ATP6V0E1: variants seen among roughly 807,000 people sequenced by gnomAD.
ATP6V0E1 encodes the protein ATPase H+ transporting V0 subunit e1.
Under a neutral mutation model 11.6 loss-of-function variants are expected in ATP6V0E1, and 4 were observed. The ratio of observed to expected loss-of-function variants is 0.35; its 90% CI spans 0.17 to 0.79. The LOEUF (loss-of-function observed/expected upper bound fraction) is 0.79, where lower values mean the gene tolerates loss of function less well. Among genes scored for constraint, ATP6V0E1 ranks in the 30% least tolerant of loss-of-function variants. ATP6V0E1 has a pLI of 0.54. For missense variants in ATP6V0E1, 105 were observed against 100.0 expected (o/e 1.05, Z -0.21); for synonymous variants, 36 against 34.8 (o/e 1.04, Z -0.13).
At chr5:173,008,381 C>T (rs1380403752) in intron 2 of ATP6V0E1, among the ~76,000 whole-genome samples, 12 of 147,716 alleles carry the variant, frequency 8.1e-5, no homozygotes, top group South Asian at 2.1e-4. Context: ...CTCACTGCAA[C>T]GCTCCGCCTC....
At chr5:172,990,388 A>G (rs1415577545) in intron 1 of ATP6V0E1, among the ~76,000 whole-genome samples, 20 of 152,108 alleles carry the variant, frequency 1.3e-4, no homozygotes, top group Non-Finnish European at 1.5e-5. Context: ...CCATTTTCTC[A>G]CAGTGGCTTC....
intron 1 of ATP6V0E1, among the ~76,000 whole-genome samples, chr5:172,985,533 T>C (rs1290286151): frequency 2.0e-5 from 3 of 152,200 alleles, no homozygotes; most frequent in Admixed American, 6.6e-5. Flanking sequence ...TAGACTTGTT[T>C]TTCCTACTGG....
At chr5:173,022,764 C>T (rs1756504339) in intron 3 of ATP6V0E1, among the ~76,000 whole-genome samples, 1 of 152,096 alleles carries the variant, frequency 6.6e-6, no homozygotes, top group Non-Finnish European at 1.5e-5. Context: ...TCCTGAGTAG[C>T]TGGGACTACA....
chr5:173,029,287 A>T (rs1381274241), intron 3 of ATP6V0E1, among the ~76,000 whole-genome samples: 1 of 152,006 alleles, frequency 6.6e-6, no homozygotes, highest in African/African-American at 2.4e-5. Flanking sequence ...TACTCCGAGT[A>T]CTCTGGCTGG....
intron 3 of ATP6V0E1, among the ~76,000 whole-genome samples, chr5:173,025,062 C>T (rs780142526): frequency 2.0e-5 from 3 of 149,902 alleles, no homozygotes; most frequent in Non-Finnish European, 3.0e-5. Context: ...AGGCTGGTCT[C>T]GAACTCTTGA....
chr5:173,017,407 G>T (rs772308151), intron 2 of ATP6V0E1, among the ~76,000 whole-genome samples: 1 of 151,802 alleles, frequency 6.6e-6, no homozygotes, highest in Non-Finnish European at 1.5e-5. Context: ...GGTGGCAGGC[G>T]CCTGTAATCC....
At chr5:173,001,266 A>G (rs992709996) in intron 2 of ATP6V0E1, among the ~76,000 whole-genome samples, 5 of 152,164 alleles carry the variant, frequency 3.3e-5, no homozygotes, top group African/African-American at 1.2e-4. Context: ...AGCAGATAAA[A>G]CAAATCAAGA....
chr5:172,984,773 T>C (rs1477412164), intron 1 of ATP6V0E1, among the ~76,000 whole-genome samples: 1 of 152,202 alleles, frequency 6.6e-6, no homozygotes, highest in Non-Finnish European at 1.5e-5. Flanking sequence ...TTTTTCTCAG[T>C]TCAAGATGAT....
At chr5:173,024,228 A>C (rs1756523653) in intron 3 of ATP6V0E1, among the ~76,000 whole-genome samples, 2 of 151,720 alleles carry the variant, frequency 1.3e-5, no homozygotes, top group South Asian at 4.1e-4. Context: ...AAAGAAATAC[A>C]GATCATACAA....
chr5:173,000,882 G>A (rs2113589495), intron 2 of ATP6V0E1, among the ~76,000 whole-genome samples: 1 of 152,134 alleles, frequency 6.6e-6, no homozygotes, highest in South Asian at 2.1e-4. Context: ...TGTATTGTTA[G>A]TAAAGACAGG....
At chr5:173,012,139 C>T (rs1367779268) in intron 2 of ATP6V0E1, among the ~76,000 whole-genome samples, 1 of 150,450 alleles carries the variant, frequency 6.6e-6, no homozygotes, top group Non-Finnish European at 1.5e-5. Flanking sequence ...TCAAGTGATT[C>T]TCCTGCCTCA....
intron 3 of ATP6V0E1, among the ~76,000 whole-genome samples, chr5:173,024,831 A>AT (rs1396309435): frequency 2.0e-5 from 3 of 146,680 alleles, no homozygotes; most frequent in African/African-American, 7.5e-5. Flanking sequence ...ATTTTATTTT[A>AT]TTTTTTTCTT....
chr5:173,033,065 C>G (rs1329178615), intron 3 of ATP6V0E1, among the ~76,000 whole-genome samples: 1 of 152,180 alleles, frequency 6.6e-6, no homozygotes, highest in Non-Finnish European at 1.5e-5. Flanking sequence ...CCACTACACT[C>G]CAGGGCAGGT....
chr5:172,983,784 A>T lies in ATP6V0E1; in HGVS notation c.-77A>T. The T allele has an allele frequency of 7.1e-7, 1 of 1,416,812 alleles. No individual in the cohort carries two copies. The highest frequency in any genetic ancestry group is 9.9e-7 in the Non-Finnish European group (1 of 1,008,336). The allele number at this position is 1,416,812 out of a possible 1,614,324, so 87.8% of individuals were successfully genotyped here. On this transcript the variant is annotated 5_prime_UTR_variant, in exon 1 of 4. Transcript: ENST00000519374. ...GAGGCGGGGCTTGCACACGCTGGTC[A>T]CGCGGTCAGCTATTGACACTTCCTG...
intron 2 of ATP6V0E1, among the ~76,000 whole-genome samples, chr5:173,016,053 C>T (rs554267690): frequency 3.3e-5 from 5 of 152,252 alleles, no homozygotes; most frequent in African/African-American, 1.2e-4. Context: ...AACCAGAAAA[C>T]GTGTTTCCCT....
intron 3 of ATP6V0E1, among the ~76,000 whole-genome samples, chr5:173,031,731 A>C (rs181812606): frequency 6.6e-6 from 1 of 151,424 alleles, no homozygotes; most frequent in East Asian, 2.0e-4. Context: ...AGGCAGGAGA[A>C]TAGCGTGAAC....
intron 1 of ATP6V0E1, among the ~76,000 whole-genome samples, chr5:172,993,795 G>A (rs1430348521): frequency 6.6e-6 from 1 of 150,946 alleles, no homozygotes; most frequent in Admixed American, 6.7e-5. Flanking sequence ...CAGTTGAGCC[G>A]AGGAGTTGGA....
Position 173,030,351 on chromosome 5 carries a change from G to A in ATP6V0E1, c.*37-4048G>A, listed in dbSNP as rs72814151. Among the ~76,000 whole-genome samples, 1,391 of 151,230 alleles carry A rather than the reference G, an allele frequency of 9.2e-3. 18 individuals carry two copies. Among genetic ancestry groups the A allele is most frequent in the Non-Finnish European group, 0.016 (1,094 of 67,840 alleles). ...AGATAAAAATTAAGCCTAATATATC[G>A]TTTAAGAAGAATATTCACTTACTTT... On this transcript the variant is annotated intron_variant, in intron 3 of 3. Transcript: ENST00000519374.
rs1313973234 is a variant in ATP6V0E1, at chr5:173,029,959, C to G, written c.*37-4440C>G. 6.6e-5 allele frequency among the ~76,000 whole-genome samples: 10 copies of G among 152,256 alleles called. No homozygotes were observed. The East Asian group carries it at 1.9e-3, about 29-fold the overall frequency. On this transcript the variant is annotated intron_variant, in intron 3 of 3. Transcript: ENST00000519374. ...ACCTCATTAGCTTTACTTGGTTTTT[C>G]CTGACTCTCACTACCCTATTACATT... is the stretch of plus-strand genomic sequence containing the variant.
Sources: gnomAD v4.1 joint callset for allele counts (sites outside exome capture counted in the v4.1 genomes callset) on GRCh38, gnomAD v4.1.1 for gene constraint, MANE v1.5 for transcripts, NCBI Gene and HGNC (gene_info 2026-07-23, HGNC 2026-07-21) for gene names.